The following ZYG11A variants were observed in gnomAD, a reference collection of about 807,000 sequenced individuals.
The protein encoded by ZYG11A is zyg-11 family member A, cell cycle regulator.
Under a neutral mutation model 77.2 loss-of-function variants are expected in ZYG11A, and 62 were observed. The ratio of observed to expected loss-of-function variants is 0.80; its 90% CI spans 0.65 to 0.99. The LOEUF is 0.99. ZYG11A is among the 50% of genes least tolerant of loss of function. The pLI, the probability that ZYG11A is intolerant of heterozygous loss-of-function variation, is 0.00. For synonymous variants in ZYG11A, 315 were observed against 324.6 expected, an observed-to-expected ratio of 0.97 and a Z score of 0.32; for missense variants, 828 against 896.8, an observed-to-expected ratio of 0.92 and a Z score of 0.98.
chr1:52,867,748 C>T lies in ZYG11A; in HGVS notation c.1513C>T (p.Gln505Ter). 6.4e-7 allele frequency: 1 copy of T among 1,551,532 alleles called. No individual in the cohort carries two copies. Among genetic ancestry groups the T allele is most frequent in the Non-Finnish European group, 8.7e-7 (1 of 1,146,970 alleles). ...ALQLSPEQTA[Q>*]LEELFMAVKE... is the part of the protein sequence containing the mutation. Reference sequence around the variant, plus strand: ...ATAGCTCTCACCTGAGCAAACGGCACAGCTTGAAGAGCTTTTCATGGCAGT... The same window carrying T: ...ATAGCTCTCACCTGAGCAAACGGCATAGCTTGAAGAGCTTTTCATGGCAGT... Residue 505 changes from glutamine (Q) to a stop codon, truncating the protein, a stop_gained, in exon 8 of 14, where the codon CAG becomes TAG. Transcript: ENST00000371528. LOFTEE classifies it high-confidence loss of function.
intron 8 of ZYG11A, among the ~76,000 whole-genome samples, chr1:52,871,131 A>G (rs939515568): frequency 3.3e-5 from 5 of 152,138 alleles, no homozygotes; most frequent in African/African-American, 1.2e-4. Context: ...TTTTTAAAAA[A>G]TTCTTTGTTT....
At chr1:52,873,965 CAA>C (rs1326251642) in intron 8 of ZYG11A, among the ~76,000 whole-genome samples, 1 of 150,558 alleles carries the variant, frequency 6.6e-6, no homozygotes, top group Non-Finnish European at 1.5e-5. Context: ...GCCTGGGCAA[CAA>C]GAGTGAAACT....
intron 8 of ZYG11A, among the ~76,000 whole-genome samples, chr1:52,872,761 T>C (rs1018419507): frequency 2.7e-4 from 40 of 150,348 alleles, no homozygotes; most frequent in Non-Finnish European, 7.4e-5. Flanking sequence ...CAAATGCCTG[T>C]AATCCTAGAC....
chr1:52,875,033 G>GA (rs533494165), intron 8 of ZYG11A, among the ~76,000 whole-genome samples: 5 of 151,942 alleles, frequency 3.3e-5, no homozygotes, highest in African/African-American at 7.2e-5. Context: ...CTGTTTATTG[G>GA]AAAAAAAATA....
intron 3 of ZYG11A, among the ~76,000 whole-genome samples, chr1:52,859,667 CTTTTTTTTTTTTTTTT>C (rs60756718): frequency 4.7e-5 from 2 of 42,906 alleles, no homozygotes; most frequent in Non-Finnish European, 1.0e-4. Flanking sequence ...TGTGTATTGC[CTTTTTTTTTTTTTTTT>C]TTTTTTTTTT....
At chr1:52,871,821 A>G (rs564731823) in intron 8 of ZYG11A, among the ~76,000 whole-genome samples, 1 of 152,068 alleles carries the variant, frequency 6.6e-6, no homozygotes, top group South Asian at 2.1e-4. Flanking sequence ...AAAAAAACCC[A>G]TTTTCTTTGG....
At chr1:52,874,033 T>C (rs1407687632) in intron 8 of ZYG11A, among the ~76,000 whole-genome samples, 2 of 151,602 alleles carry the variant, frequency 1.3e-5, no homozygotes, top group African/African-American at 4.8e-5. Flanking sequence ...AGTTCTTTCT[T>C]GAAAGGAAGG....
intron 4 of ZYG11A, among the ~76,000 whole-genome samples, chr1:52,862,314 GTT>G (rs1277355334): frequency 1.4e-5 from 2 of 138,252 alleles, no homozygotes; most frequent in Admixed American, 7.3e-5. Context: ...TTTTTTTTTG[GTT>G]TTTTTTTTTT....
rs532242 is a variant in ZYG11A at position 52,842,993 on chromosome 1, C to G, written c.90+20C>G. On this transcript the variant is annotated intron_variant, in intron 1 of 13. Transcript: ENST00000371528. ...GTACAGGTGAGCACCGGGGTGCGGG[C>G]GGCGACGCGGACCTCGGCGCCACGT... 786,199 of 1,499,334 alleles carry G rather than the reference C, an allele frequency of 0.52. 218,964 individuals are homozygous for G. The highest frequency in any genetic ancestry group is 0.57 in the Non-Finnish European group (645,610 of 1,124,860). 92.9% of individuals were successfully genotyped at this position (1,499,334 alleles called of 1,614,324 possible). A position where few individuals can be genotyped will look rare whatever the true frequency, so the allele number is the denominator to read the frequency against.
intron 13 of ZYG11A, among the ~76,000 whole-genome samples, chr1:52,892,571 G>C (rs548095989): frequency 4.9e-4 from 75 of 151,960 alleles, no homozygotes; most frequent in African/African-American, 1.7e-3. Context: ...GAGTTGTCTG[G>C]AAGTAAACAT....
At chr1:52,880,809 C>A (rs1360568610) in intron 10 of ZYG11A, among the ~76,000 whole-genome samples, 1 of 152,182 alleles carries the variant, frequency 6.6e-6, no homozygotes, top group Non-Finnish European at 1.5e-5. Context: ...GCAGTAAATT[C>A]TCCCCCGGTG....
chr1:52,877,253 A>G (rs1005353749), intron 8 of ZYG11A, among the ~76,000 whole-genome samples: 26 of 152,272 alleles, frequency 1.7e-4, no homozygotes, highest in African/African-American at 5.5e-4. Flanking sequence ...TAAAGCCTCA[A>G]TTTTAGGCTT....
intron 13 of ZYG11A, among the ~76,000 whole-genome samples, chr1:52,891,425 T>C (rs1161369757): frequency 6.6e-6 from 1 of 151,918 alleles, no homozygotes; most frequent in Non-Finnish European, 1.5e-5. Flanking sequence ...GAGAATTCAT[T>C]TTAGAATGGA....
At position 52,857,509 on chromosome 1, in the gene ZYG11A, A is replaced by G; in HGVS notation, c.768A>G (p.Lys256=). Residue 256 remains lysine (K), a synonymous_variant, in exon 3 of 14, where the codon AAA becomes AAG. Transcript: ENST00000371528. ...TTCTTGCAGTCATTAGAGAACTTAAATGTCTGCTTCACCTTGATATTTCTG... is the reference window on the plus strand; with the variant it reads ...TTCTTGCAGTCATTAGAGAACTTAAGTGTCTGCTTCACCTTGATATTTCTG... ...SQILAVIREL[K]CLLHLDISDH... 1 of 1,552,224 alleles carries G rather than the reference A, an allele frequency of 6.4e-7. No individual in the cohort carries two copies. Among genetic ancestry groups the G allele is most frequent in the Non-Finnish European group, 8.7e-7 (1 of 1,147,100 alleles).
At chr1:52,858,753 CA>C (rs1302797866) in intron 3 of ZYG11A, among the ~76,000 whole-genome samples, 1 of 151,824 alleles carries the variant, frequency 6.6e-6, no homozygotes, top group Non-Finnish European at 1.5e-5. Context: ...GCTGGGATTA[CA>C]GGTGTGCACC....
intron 8 of ZYG11A, among the ~76,000 whole-genome samples, chr1:52,876,075 T>A (rs1287408880): frequency 6.6e-6 from 1 of 152,072 alleles, no homozygotes; most frequent in African/African-American, 2.4e-5. Context: ...AGTGGGTGTA[T>A]TTCTCAATGA....
intron 11 of ZYG11A, among the ~76,000 whole-genome samples, chr1:52,882,746 A>G (rs1646382764): frequency 6.6e-6 from 1 of 152,186 alleles, no homozygotes; most frequent in South Asian, 2.1e-4. Context: ...GAGAACTCCC[A>G]TGCAATTTTC....
intron 4 of ZYG11A, among the ~76,000 whole-genome samples, chr1:52,861,564 C>T (rs527378896): frequency 7.2e-5 from 11 of 151,998 alleles, no homozygotes; most frequent in East Asian, 1.9e-4. Flanking sequence ...ATTTGGTGGG[C>T]GTGGTGGCGC....
rs577231240 is a variant in ZYG11A at position 52,861,890 on chromosome 1, C to T, written c.1149+1019C>T. On this transcript the variant is annotated intron_variant, in intron 4 of 13. Transcript: ENST00000371528. ...GATCAACATTAGTAAGACCCTGTCT[C>T]TACAAAAATTTAGAAAAAGAAAAAA... 2.0e-5 allele frequency among the ~76,000 whole-genome samples: 3 copies of T among 152,004 alleles called. No individual in the cohort carries two copies. The East Asian group carries it at 5.8e-4, about 30-fold the overall frequency.
Sources: gnomAD v4.1 joint callset for allele counts (sites outside exome capture counted in the v4.1 genomes callset) on GRCh38, gnomAD v4.1.1 for gene constraint, MANE v1.5 for transcripts, NCBI Gene and HGNC (gene_info 2026-07-23, HGNC 2026-07-21) for gene names.